ENAM: variants seen among roughly 807,000 people sequenced by gnomAD.
ENAM encodes the protein enamelin, also known as amelogenesis imperfecta 2, hypocalcification (autosomal dominant).
In ENAM, 21 loss-of-function variants were observed where a neutral mutation model predicts 33.6. That is an observed-to-expected ratio of 0.63 (90% confidence interval 0.44 to 0.90). The LOEUF (loss-of-function observed/expected upper bound fraction) is 0.90. Among genes scored for constraint, ENAM ranks in the 40% least tolerant of loss-of-function variants. The probability of loss-of-function intolerance (pLI) is 0.00; values close to 1 mark genes in which losing one functional copy is unlikely to be tolerated. For missense variants in ENAM, 1,388 were observed against 1,366.9 expected, an observed-to-expected ratio of 1.02 and a Z score of -0.24; for synonymous variants, 473 against 468.4, an observed-to-expected ratio of 1.01 and a Z score of -0.13.
rs72859663 is a variant in ENAM, at chr4:70,640,857, G to A, written c.589-1158G>A. On this transcript the variant is annotated intron_variant, in intron 8 of 8. Transcript: ENST00000396073. ...AGGGATTTAGAGTTTATTTTGTAAA[G>A]GAGAACTTTAAATACAAATTTAAAG... Among the ~76,000 whole-genome samples, 1,299 of 152,226 alleles carry A rather than the reference G, an allele frequency of 8.5e-3. 14 individuals are homozygous for A. The highest frequency in any genetic ancestry group is 0.029 in the African/African-American group (1,195 of 41,540).
At position 70,642,484 on chromosome 4, in the gene ENAM, A is replaced by G. The variant is rs749445172; in HGVS notation, c.1058A>G (p.Gln353Arg). The change falls in exon 9 of 9, where the codon CAA becomes CGA. Residue 353 changes from glutamine (Q) to arginine (R), a missense_variant. By Grantham distance (43) the Gln-to-Arg change is conservative. Transcript: ENST00000396073. ...CAGAATAGGCCTTTTTACAGAAATC[A>G]ACAAGTTCAAAGGGGTCCTCGGTGG... is the stretch of plus-strand genomic sequence containing the variant. ...HRQNRPFYRNQQVQRGPRWNF... is the reference protein window; with the variant it reads ...HRQNRPFYRNRQVQRGPRWNF... 1 of 1,614,152 alleles carries G rather than the reference A, an allele frequency of 6.2e-7. No homozygotes were observed. Among genetic ancestry groups the G allele is most frequent in the Non-Finnish European group, 8.5e-7 (1 of 1,180,006 alleles).
At chr4:70,640,083 C>G (rs1167217844) in intron 8 of ENAM, among the ~76,000 whole-genome samples, 3 of 152,164 alleles carry the variant, frequency 2.0e-5, no homozygotes, top group Non-Finnish European at 4.4e-5. Context: ...AACAAACATA[C>G]TGACTGAGTT....
Position 70,644,098 on chromosome 4 carries a change from A to T in ENAM, c.2672A>T (p.Asp891Val), listed in dbSNP as rs149674465. The T allele has an allele frequency of 2.9e-5, 47 of 1,613,910 alleles. No individual in the cohort carries two copies. The African/African-American group carries it at 5.1e-4, about 17-fold the overall frequency. The change falls in exon 9 of 9, where the codon GAC becomes GTC. Residue 891 changes from aspartate (D) to valine (V), a missense_variant. Physicochemically the swap from Asp to Val is radical, Grantham distance 152. Transcript: ENST00000396073. ...AAGGACAATCCACTAGCTCTACAAG[A>T]CTACACTCCATCCTATGGTCTTGCA... ...GPKDNPLALQ[D>V]YTPSYGLAPG...
rs587776588 is a variant in ENAM, at chr4:70,642,685, T to TAG, written c.1259_1260insAG (p.Pro422ValfsTer27). On this transcript the variant is annotated frameshift_variant, in exon 9 of 9. Coordinates refer to ENST00000396073, the MANE Select transcript of ENAM (RefSeq NM_031889.3). LOFTEE classifies it low-confidence loss of function (END_TRUNC). ...CCTGTAGGAACTACTGTTGCCCCAC[T>TAG]GGGTCCCAAACCTGGCCCTGTTGTT... is the stretch of plus-strand genomic sequence containing the variant. 393 of 1,610,640 alleles carry TAG rather than the reference T, an allele frequency of 2.4e-4. No homozygotes were observed. The highest frequency in any genetic ancestry group is 4.9e-4 in the South Asian group (44 of 90,404).
intron 8 of ENAM, 94 bp downstream of exon 8, chr4:70,637,937 C>G (rs1050841169): frequency 6.4e-6 from 6 of 943,720 alleles, no homozygotes; most frequent in Non-Finnish European, 1.0e-5. Context: ...TAAAATCCAA[C>G]ACATGAACCT....
rs1738760085 is a variant in ENAM, at chr4:70,646,275, T to G, written c.*1420T>G. The G allele has an allele frequency of 6.6e-6, 1 of 152,192 alleles. No homozygotes were observed. 9.4% of individuals were successfully genotyped at this position (152,192 alleles called of 1,614,324 possible). A position where few individuals can be genotyped will look rare whatever the true frequency, so the allele number is the denominator to read the frequency against. On this transcript the variant is annotated 3_prime_UTR_variant, in exon 9 of 9. Transcript: ENST00000396073. ...ATTAATAACATGTTGGCCTATTATC[T>G]GGATGTCCCTTGCCTAGAGCAGGAA... is the stretch of plus-strand genomic sequence containing the variant.
chr4:70,632,829 G>A, intron 5 of ENAM, 137 bp downstream of exon 5: 1 of 719,694 alleles, frequency 1.4e-6, no homozygotes. Flanking sequence ...TTTCAAGGTG[G>A]AAAAATTATT....
At chr4:70,640,972 T>C (rs546207108) in intron 8 of ENAM, among the ~76,000 whole-genome samples, 148 of 152,306 alleles carry the variant, frequency 9.7e-4, no homozygotes, top group African/African-American at 3.4e-3. Flanking sequence ...AGTAAGACTG[T>C]ATCCAGAGTA....
At chr4:70,638,960 T>C (rs1738530275) in intron 8 of ENAM, among the ~76,000 whole-genome samples, 1 of 151,550 alleles carries the variant, frequency 6.6e-6, no homozygotes, top group African/African-American at 2.4e-5. Context: ...ATCACACCCG[T>C]CTAATCTTTG....
Position 70,642,798 on chromosome 4 carries a change from T to C in ENAM, c.1372T>C (p.Trp458Arg). Residue 458 changes from tryptophan to arginine, a missense_variant, in exon 9 of 9, where the codon TGG (tryptophan) becomes CGG (arginine). Coordinates refer to ENST00000396073, the MANE Select transcript of ENAM (RefSeq NM_031889.3). ...IVPTKNPTSPWRNSQQYEVNK... is the reference protein window; with the variant it reads ...IVPTKNPTSPRRNSQQYEVNK... ...TCCTACAAAGAATCCAACCAGCCCC[T>C]GGAGAAACTCTCAACAGTATGAAGT... The C allele has an allele frequency of 6.2e-7, 1 of 1,614,056 alleles. No individual in the cohort carries two copies. Among genetic ancestry groups the C allele is most frequent in the Non-Finnish European group, 8.5e-7 (1 of 1,179,992 alleles).
chr4:70,641,531 G>T (rs1367407345), intron 8 of ENAM, among the ~76,000 whole-genome samples: 1 of 151,698 alleles, frequency 6.6e-6, no homozygotes, highest in Non-Finnish European at 1.5e-5. Context: ...GGGACTACAG[G>T]TGCGTGCACC....
rs920417958 is a variant in ENAM, at chr4:70,632,557, TA to T, written c.169-87del. On this transcript the variant is annotated intron_variant, in intron 4 of 8. Transcript: ENST00000396073. ...TTTTTACACTGGGAAGTTCTAAGGT[TA>T]AAAAAAGAAATTTTACTTATTTCTT... is the stretch of plus-strand genomic sequence containing the variant. 2.9e-5 allele frequency: 29 copies of T among 994,306 alleles called. 1 individual carries two copies. Among genetic ancestry groups the T allele is most frequent in the Admixed American group, 5.1e-5 (3 of 59,134 alleles). 61.6% of individuals were successfully genotyped at this position (994,306 alleles called of 1,614,324 possible).
chr4:70,642,661 C>T lies in ENAM; in HGVS notation c.1235C>T (p.Pro412Leu). ...RRKPQGPNKH[P>L]VGTTVAPLGP... ...AAGCCTCAGGGGCCAAATAAACACC[C>T]TGTAGGAACTACTGTTGCCCCACTG... Residue 412 changes from proline to leucine, a missense_variant, in exon 9 of 9, where the codon CCT (proline) becomes CTT (leucine). Coordinates refer to ENST00000396073, the MANE Select transcript of ENAM (RefSeq NM_031889.3). The T allele has an allele frequency of 1.9e-6, 3 of 1,612,968 alleles. No homozygotes were observed. The highest frequency in any genetic ancestry group is 2.5e-6 in the Non-Finnish European group (3 of 1,179,634).
At position 70,637,792 on chromosome 4, in the gene ENAM, G is replaced by T. The variant is rs764248159; in HGVS notation, c.537G>T (p.Arg179Ser). 3 of 1,613,294 alleles carry T rather than the reference G, an allele frequency of 1.9e-6. No individual in the cohort carries two copies. The highest frequency in any genetic ancestry group is 1.3e-5 in the African/African-American group (1 of 74,854). The change falls in exon 8 of 9, where the codon AGG (arginine) becomes AGT (serine). Residue 179 changes from arginine to serine, a missense_variant and splice_region_variant. Coordinates refer to ENST00000396073, the MANE Select transcript of ENAM (RefSeq NM_031889.3). Reference protein sequence around the residue: ...YQQPPWQIPQRLPPPGYGRPP... With the variant: ...YQQPPWQIPQSLPPPGYGRPP... Reference sequence around the variant, plus strand: ...TCACTGTGTTTTTCACTTCTCAGAGGTTACCACCACCAGGTTATGGACGCC... The same window carrying T: ...TCACTGTGTTTTTCACTTCTCAGAGTTTACCACCACCAGGTTATGGACGCC...
In ENAM at chr4:70,642,334, C is replaced by T. The variant is rs754262420; in HGVS notation, c.908C>T (p.Pro303Leu). Residue 303 changes from proline to leucine, a missense_variant, in exon 9 of 9, where the codon CCA becomes CTA. Physicochemically the swap from Pro to Leu is moderately conservative, Grantham distance 98. Coordinates refer to ENST00000396073, the MANE Select transcript of ENAM (RefSeq NM_031889.3). The stretch of plus-strand genomic sequence containing the variant: ...GTCAACGCTTCAGGCCAGGGAGGGC[C>T]AGGAAGTCAAATCCCATGGAGACCA... ...PAVNASGQGG[P>L]GSQIPWRPSQ... The T allele has an allele frequency of 5.6e-5, 90 of 1,613,960 alleles. No homozygotes were observed. The highest frequency in any genetic ancestry group is 7.5e-5 in the Non-Finnish European group (89 of 1,180,002).
Position 70,643,550 on chromosome 4 carries a change from A to C in ENAM, c.2124A>C (p.Ser708=). The change falls in exon 9 of 9, where the codon TCA becomes TCC. Residue 708 remains serine (S), a synonymous_variant. Coordinates refer to ENST00000396073, the MANE Select transcript of ENAM (RefSeq NM_031889.3). ...TTCCCTATTCTTTAGATAATCCATCAAAACCAAGGGAGGATTTTTATTACA... is the reference window on the plus strand; with the variant it reads ...TTCCCTATTCTTTAGATAATCCATCCAAACCAAGGGAGGATTTTTATTACA... ...EYLPYSLDNP[S]KPREDFYYSE... The C allele has an allele frequency of 1.2e-6, 2 of 1,614,136 alleles. No homozygotes were observed. Among genetic ancestry groups the C allele is most frequent in the Non-Finnish European group, 1.7e-6 (2 of 1,179,990 alleles).
intron 7 of ENAM, among the ~76,000 whole-genome samples, chr4:70,637,078 T>C (rs1044988294): frequency 1.3e-5 from 2 of 152,236 alleles, no homozygotes; most frequent in African/African-American, 4.8e-5. Context: ...TAAGAGTTCC[T>C]TACATTTTTC....
chr4:70,634,196 G>A, intron 5 of ENAM, 112 bp from the exon 6 acceptor site: 2 of 1,034,084 alleles, frequency 1.9e-6, no homozygotes, highest in Non-Finnish European at 1.5e-6. Context: ...GTTAAGTCAA[G>A]TTCCAGGACT....
Position 70,642,209 on chromosome 4 carries a change from T to G in ENAM, c.783T>G (p.Ser261Arg). 2 of 1,613,208 alleles carry G rather than the reference T, an allele frequency of 1.2e-6. No homozygotes were observed. Among genetic ancestry groups the G allele is most frequent in the Non-Finnish European group, 1.7e-6 (2 of 1,179,804 alleles). The change falls in exon 9 of 9, where the codon AGT (serine) becomes AGG (arginine). Residue 261 changes from serine (S) to arginine (R), a missense_variant. Ser to Arg is a moderately radical substitution (Grantham distance 110, BLOSUM62 -1). Transcript: ENST00000396073. Reference protein sequence around the residue: ...TNSTQPNPKGSQGGNDTSPTG... With the variant: ...TNSTQPNPKGRQGGNDTSPTG... ...CTACCCAACCAAATCCTAAAGGGAGTCAGGGAGGAAATGACACCAGCCCCA... is the reference window on the plus strand; with the variant it reads ...CTACCCAACCAAATCCTAAAGGGAGGCAGGGAGGAAATGACACCAGCCCCA...
Sources: allele counts gnomAD v4.1 joint callset (sites outside exome capture counted in the v4.1 genomes callset), GRCh38; gene constraint gnomAD v4.1.1; transcripts MANE v1.5; gene names NCBI Gene and HGNC (gene_info 2026-07-23, HGNC 2026-07-21).